The following STK32B variants were observed in gnomAD, a reference collection of about 807,000 sequenced individuals.
STK32B encodes serine/threonine-protein kinase 32B.
STK32B carries 43 observed loss-of-function variants against 52.6 expected under a neutral mutation model. That is an observed-to-expected ratio of 0.82 (90% CI 0.64 to 1.05). The LOEUF (loss-of-function observed/expected upper bound fraction) is 1.05. Ranked by LOEUF, STK32B falls within the 50% of genes least tolerant of loss-of-function variation. The probability of loss-of-function intolerance (pLI) is 0.00; values close to 1 mark genes in which losing one functional copy is unlikely to be tolerated. For missense variants in STK32B, 621 were observed against 534.6 expected (o/e 1.16, Z -1.59); for synonymous variants, 238 against 204.3 (o/e 1.17, Z -1.41).
chr4:5,353,984 A>AGT (rs1236415605), intron 4 of STK32B, among the ~76,000 whole-genome samples: 1 of 152,240 alleles, frequency 6.6e-6, no homozygotes, highest in African/African-American at 2.4e-5. Flanking sequence ...AATCAACCTA[A>AGT]GTGTCCATTG....
In STK32B at chr4:5,090,370, C is replaced by CTTTTTTTT. The variant is rs754643704; in HGVS notation, c.52+38470_52+38477dup. 6.7e-4 allele frequency among the ~76,000 whole-genome samples: 38 copies of CTTTTTTTT among 56,538 alleles called. 2 individuals carry two copies. The highest frequency in any genetic ancestry group is 1.9e-3 in the South Asian group (2 of 1,060). The allele number at this position is 56,538 out of a possible 152,430, so 37.1% of individuals were successfully genotyped here. A position where few individuals can be genotyped will look rare whatever the true frequency, so the allele number is the denominator to read the frequency against. ...TTTTACATTTAAGTCTTTAATCCATCTTTTTTTTTTTTTTTTTTTTTTCGA... is the reference window on the plus strand; with the variant it reads ...TTTTACATTTAAGTCTTTAATCCATCTTTTTTTTTTTTTTTTTTTTTTTTTTTTTTCGA... On this transcript the variant is annotated intron_variant, in intron 1 of 11. Transcript: ENST00000282908.
chr4:5,067,629 C>CTTTATT (rs1034545917), intron 1 of STK32B, among the ~76,000 whole-genome samples: 2 of 151,998 alleles, frequency 1.3e-5, no homozygotes, highest in African/African-American at 2.4e-5. Flanking sequence ...ATAATATGAT[C>CTTTATT]TTTATTTTTA....
Position 5,499,094 on chromosome 4 carries a change from G to C in STK32B, c.*11G>C. 1.2e-6 allele frequency: 2 copies of C among 1,605,714 alleles called. No homozygotes were observed. Among genetic ancestry groups the C allele is most frequent in the South Asian group, 2.2e-5 (2 of 89,606 alleles). On this transcript the variant is annotated 3_prime_UTR_variant, in exon 12 of 12. Transcript: ENST00000282908. ...GGCTGCAGCAGCTGAGCCCACACTT[G>C]TTGCTGCTCAACAGGACTGCACTCG...
At chr4:5,152,929 C>G (rs74998460) in intron 2 of STK32B, among the ~76,000 whole-genome samples, 2,378 of 152,320 alleles carry the variant, frequency 0.016, 56 homozygotes, top group African/African-American at 0.054. Context: ...AGAGTCCTGA[C>G]TAATCAGAAA....
chr4:5,170,720 T>G (rs1719301595), intron 3 of STK32B, among the ~76,000 whole-genome samples: 1 of 152,186 alleles, frequency 6.6e-6, no homozygotes, highest in South Asian at 2.1e-4. Flanking sequence ...TGTTGGACAT[T>G]TGGGTTGGTT....
At chr4:5,132,227 G>A (rs4689988) in intron 1 of STK32B, among the ~76,000 whole-genome samples, 139,005 of 152,242 alleles carry the variant, frequency 0.91, 64,826 homozygotes, top group East Asian at 1. Flanking sequence ...TAGTGCTGCA[G>A]TGGACATTTG....
At chr4:5,171,478 T>G (rs773982698) in intron 3 of STK32B, among the ~76,000 whole-genome samples, 7 of 152,236 alleles carry the variant, frequency 4.6e-5, no homozygotes, top group Non-Finnish European at 8.8e-5. Flanking sequence ...TTGCATTAAT[T>G]TTTGTATAAG....
chr4:5,447,042 A>C, intron 7 of STK32B: 1 of 340,368 alleles, frequency 2.9e-6, no homozygotes, highest in Non-Finnish European at 5.5e-6. Context: ...TGACAAGTCA[A>C]ACATCAAAGC....
chr4:5,159,463 TAC>T (rs1174266334), intron 2 of STK32B, among the ~76,000 whole-genome samples: 1 of 145,576 alleles, frequency 6.9e-6, no homozygotes, highest in Non-Finnish European at 1.5e-5. Flanking sequence ...TATATATATA[TAC>T]ACACACACAT....
intron 6 of STK32B, among the ~76,000 whole-genome samples, chr4:5,417,909 A>G (rs1169615309): frequency 6.6e-6 from 1 of 152,228 alleles, no homozygotes; most frequent in Non-Finnish European, 1.5e-5. Flanking sequence ...GACAGCTGAG[A>G]TGAACATATC....
intron 1 of STK32B, among the ~76,000 whole-genome samples, chr4:5,129,364 A>G (rs1216523363): frequency 1.3e-5 from 2 of 152,144 alleles, no homozygotes; most frequent in Admixed American, 1.3e-4. Context: ...ACCTTCCTCA[A>G]GCTCTGGTGG....
chr4:5,213,353 C>T (rs189409448), intron 3 of STK32B, among the ~76,000 whole-genome samples: 1 of 152,312 alleles, frequency 6.6e-6, no homozygotes, highest in Admixed American at 6.5e-5. Context: ...AGCTGCTGGG[C>T]TGAACTTCAA....
intron 3 of STK32B, among the ~76,000 whole-genome samples, chr4:5,178,890 T>C (rs1386708037): frequency 1.3e-5 from 2 of 152,182 alleles, no homozygotes; most frequent in Non-Finnish European, 2.9e-5. Flanking sequence ...CTTCCTGTCT[T>C]CTTCTGAGCC....
At chr4:5,247,513 G>C (rs1194048805) in intron 3 of STK32B, among the ~76,000 whole-genome samples, 1 of 152,172 alleles carries the variant, frequency 6.6e-6, no homozygotes, top group Non-Finnish European at 1.5e-5. Flanking sequence ...CTGACCCCTT[G>C]CACTTCTCGG....
At chr4:5,118,028 G>A (rs1379012823) in intron 1 of STK32B, among the ~76,000 whole-genome samples, 4 of 152,114 alleles carry the variant, frequency 2.6e-5, no homozygotes, top group Non-Finnish European at 5.9e-5. Context: ...TTCTTGTAGC[G>A]TCCTTGTCTG....
At chr4:5,192,636 G>C (rs911404266) in intron 3 of STK32B, among the ~76,000 whole-genome samples, 2 of 152,188 alleles carry the variant, frequency 1.3e-5, no homozygotes, top group African/African-American at 4.8e-5. Context: ...CATCCAACGT[G>C]ATGTTTTGAT....
intron 6 of STK32B, among the ~76,000 whole-genome samples, chr4:5,421,276 G>A (rs975683951): frequency 6.6e-6 from 1 of 151,744 alleles, no homozygotes; most frequent in Non-Finnish European, 1.5e-5. Context: ...ATTTTTAGTA[G>A]AGACGGGGTT....
At chr4:5,235,333 C>T (rs1041942404) in intron 3 of STK32B, among the ~76,000 whole-genome samples, 1 of 152,180 alleles carries the variant, frequency 6.6e-6, no homozygotes, top group East Asian at 1.9e-4. Context: ...TTTTGAATCC[C>T]AGCTCCATCA....
intron 11 of STK32B, among the ~76,000 whole-genome samples, chr4:5,486,956 T>C (rs920322453): frequency 6.6e-6 from 1 of 152,358 alleles, no homozygotes; most frequent in South Asian, 2.1e-4. Context: ...GTAATAGCAG[T>C]GGGCAAAACC....
Sources: allele counts gnomAD v4.1 joint callset (sites outside exome capture counted in the v4.1 genomes callset), GRCh38; gene constraint gnomAD v4.1.1; transcripts MANE v1.5; gene names NCBI Gene and HGNC (gene_info 2026-07-23, HGNC 2026-07-21).